LUC7L2: variants seen among roughly 807,000 people sequenced by gnomAD.
LUC7L2 encodes LUC7 like 2, pre-mRNA splicing factor, also known as putative RNA-binding protein Luc7-like 2.
In LUC7L2, 25 loss-of-function variants were observed where a neutral mutation model predicts 52.8. The ratio of observed to expected loss-of-function variants is 0.47; its 90% CI spans 0.34 to 0.66. LUC7L2 has a LOEUF of 0.66. LUC7L2 is among the 30% of genes least tolerant of loss of function. The pLI is 0.01. For synonymous variants in LUC7L2, 144 were observed against 160.9 expected (o/e 0.89, Z 0.80); for missense variants, 328 against 497.8 (o/e 0.66, Z 3.25).
chr7:139,348,264 G>A lies in LUC7L2; in HGVS notation c.-26+7747G>A, dbSNP rs940073196. The stretch of plus-strand genomic sequence containing the variant: ...TGTTGCCCAGGTTGGTCTTGAACTC[G>A]TGGGCTCAAGTGATCCTCCCACCTA... On this transcript the variant is annotated intron_variant, in intron 1 of 10. Transcript: ENST00000541170. Among the ~76,000 whole-genome samples the A allele has an allele frequency of 1.5e-4, 23 of 149,976 alleles. No individual in the cohort carries two copies. In the East Asian group the frequency reaches 1.6e-3, roughly 10 times the overall value.
At chr7:139,398,320 A>G (rs1268003288) in intron 2 of LUC7L2, among the ~76,000 whole-genome samples, 2 of 152,246 alleles carry the variant, frequency 1.3e-5, no homozygotes, top group East Asian at 3.8e-4. Context: ...GTTGTGATAT[A>G]GAAGCTAGCT....
At chr7:139,359,612 T>C (rs1799746350), upstream of LUC7L2, 1 of 395,138 alleles carries the variant, frequency 2.5e-6, no homozygotes, top group Non-Finnish European at 4.5e-6. Flanking sequence ...AATTTGGGTC[T>C]GAATCGCCAT....
chr7:139,382,071 T>C (rs1021178210), intron 2 of LUC7L2, among the ~76,000 whole-genome samples: 1 of 151,850 alleles, frequency 6.6e-6, no homozygotes, highest in Non-Finnish European at 1.5e-5. Flanking sequence ...TTTTGTATTT[T>C]AGTAGAGATG....
chr7:139,362,484 G>A (rs1171914610), intron 1 of LUC7L2, among the ~76,000 whole-genome samples: 1 of 152,130 alleles, frequency 6.6e-6, no homozygotes, highest in Non-Finnish European at 1.5e-5. Flanking sequence ...CATTTAATGG[G>A]AACCCTTGTA....
At chr7:139,379,660 C>G (rs1406284857) in intron 2 of LUC7L2, among the ~76,000 whole-genome samples, 4 of 138,528 alleles carry the variant, frequency 2.9e-5, no homozygotes, top group Non-Finnish European at 1.5e-5. Flanking sequence ...ACCTCCGCCT[C>G]CAGGTTCAAG....
At chr7:139,387,102 A>T in intron 2 of LUC7L2, among the ~76,000 whole-genome samples, 1 of 151,090 alleles carries the variant, frequency 6.6e-6, no homozygotes, top group East Asian at 2.0e-4. Flanking sequence ...AGCCTCCCAA[A>T]GTGCTGGGAT....
At chr7:139,387,865 G>C (rs930942859) in intron 2 of LUC7L2, among the ~76,000 whole-genome samples, 2 of 152,080 alleles carry the variant, frequency 1.3e-5, no homozygotes, top group African/African-American at 2.4e-5. Context: ...TGATCCTCCT[G>C]CTATGGCCTC....
At chr7:139,371,502 A>G in intron 1 of LUC7L2, 1 of 1,502,246 alleles carries the variant, frequency 6.7e-7, no homozygotes. Flanking sequence ...TAGCACCTAA[A>G]TCTATGAAAG....
At chr7:139,384,887 C>T (rs1180921103) in intron 2 of LUC7L2, among the ~76,000 whole-genome samples, 1 of 152,134 alleles carries the variant, frequency 6.6e-6, no homozygotes, top group Non-Finnish European at 1.5e-5. Context: ...TCCTAAGTAG[C>T]TGGGACTACT....
At position 139,398,755 on chromosome 7, in the gene LUC7L2, G is replaced by A; in HGVS notation, c.255+58G>A. The A allele has an allele frequency of 5.9e-6, 9 of 1,523,716 alleles. No homozygotes were observed. In the South Asian group the frequency reaches 9.5e-5, roughly 16 times the overall value. The allele number at this position is 1,523,716 out of a possible 1,614,324, so 94.4% of individuals were successfully genotyped here. ...TCTTTTGCTGTAAAACATTGTGAAT[G>A]TGGATTAAGATCTCTTAATAGGAAA... On this transcript the variant is annotated intron_variant, in intron 3 of 9. Coordinates refer to ENST00000354926, the MANE Select transcript of LUC7L2 (RefSeq NM_016019.5).
chr7:139,368,023 G>A (rs892612480), intron 1 of LUC7L2, among the ~76,000 whole-genome samples: 1 of 152,176 alleles, frequency 6.6e-6, no homozygotes, highest in African/African-American at 2.4e-5. Context: ...GTCGATTCAC[G>A]TGAGTCTGGA....
chr7:139,394,669 G>A lies in LUC7L2; in HGVS notation c.157-3930G>A, dbSNP rs1794585276. ...GATGAAAGTAAGATAAAGGAGATAC[G>A]GAAGAAAGGAAGTAGACAGCTGCTT... On this transcript the variant is annotated intron_variant, in intron 2 of 9. Transcript: ENST00000354926. 2.0e-5 allele frequency among the ~76,000 whole-genome samples: 3 copies of A among 152,152 alleles called. No homozygotes were observed. In the South Asian group the frequency reaches 6.2e-4, roughly 32 times the overall value.
chr7:139,379,649 A>G (rs1800896396), intron 2 of LUC7L2, among the ~76,000 whole-genome samples: 1 of 127,604 alleles, frequency 7.8e-6, no homozygotes, highest in African/African-American at 3.1e-5. Flanking sequence ...GGCTCACTGC[A>G]ACCTCCGCCT....
At chr7:139,401,123 A>G (rs1270350759) in intron 3 of LUC7L2, among the ~76,000 whole-genome samples, 1 of 152,196 alleles carries the variant, frequency 6.6e-6, no homozygotes, top group African/African-American at 2.4e-5. Context: ...TTATATAAAT[A>G]TTGAATTTTT....
At chr7:139,396,729 G>T (rs1391017008) in intron 2 of LUC7L2, among the ~76,000 whole-genome samples, 1 of 148,420 alleles carries the variant, frequency 6.7e-6, no homozygotes, top group Non-Finnish European at 1.5e-5. Flanking sequence ...GCCTTCAGTA[G>T]AGAGTTCCTA....
intron 9 of LUC7L2, among the ~76,000 whole-genome samples, chr7:139,420,642 T>TTGA (rs1193867444): frequency 1.3e-5 from 2 of 152,246 alleles, no homozygotes; most frequent in African/African-American, 4.8e-5. Context: ...GACATAGTAG[T>TTGA]TGATACTCAT....
chr7:139,343,111 C>T (rs148624470), intron 1 of LUC7L2, among the ~76,000 whole-genome samples: 2 of 152,222 alleles, frequency 1.3e-5, no homozygotes, highest in African/African-American at 4.8e-5. Context: ...CCCTTTTGTC[C>T]TCATGATTCA....
chr7:139,366,864 A>G (rs1800183742), intron 1 of LUC7L2, among the ~76,000 whole-genome samples: 1 of 152,236 alleles, frequency 6.6e-6, no homozygotes, highest in African/African-American at 2.4e-5. Context: ...CCAGCAATCC[A>G]TGTTTTTAGA....
chr7:139,395,687 C>A (rs1794629125), intron 2 of LUC7L2, among the ~76,000 whole-genome samples: 1 of 152,164 alleles, frequency 6.6e-6, no homozygotes, highest in Non-Finnish European at 1.5e-5. Flanking sequence ...GTCACCCAGG[C>A]TGGAATGCAG....
Sources: allele counts gnomAD v4.1 joint callset (sites outside exome capture counted in the v4.1 genomes callset), GRCh38; gene constraint gnomAD v4.1.1; transcripts MANE v1.5; gene names NCBI Gene and HGNC (gene_info 2026-07-23, HGNC 2026-07-21).